IQGAP2: variants seen among roughly 807,000 people sequenced by gnomAD.
IQGAP2 encodes IQ motif containing GTPase activating protein 2.
Under a neutral mutation model 201.3 loss-of-function variants are expected in IQGAP2, and 173 were observed. The ratio of observed to expected loss-of-function variants is 0.86; its 90% CI spans 0.76 to 0.98. IQGAP2 has a LOEUF of 0.98. IQGAP2 is among the 50% of genes least tolerant of loss of function. The pLI is 0.00. For synonymous variants in IQGAP2, 675 were observed against 673.9 expected (o/e 1.00, Z -0.03); for missense variants, 1,687 against 1,864.8 (o/e 0.90, Z 1.76).
chr5:76,499,996 T>C (rs927976522), intron 2 of IQGAP2, among the ~76,000 whole-genome samples: 6 of 152,092 alleles, frequency 3.9e-5, no homozygotes, highest in Non-Finnish European at 7.4e-5. Flanking sequence ...TAGTCCCAGC[T>C]ACCTGGGAGG....
At chr5:76,639,320 T>A in intron 16 of IQGAP2, among the ~76,000 whole-genome samples, 1 of 152,248 alleles carries the variant, frequency 6.6e-6, no homozygotes, top group East Asian at 1.9e-4. Flanking sequence ...TGTTTTCCAC[T>A]TTTTGCATTG....
intron 30 of IQGAP2, among the ~76,000 whole-genome samples, chr5:76,689,884 G>A (rs1259818011): frequency 6.6e-6 from 1 of 152,116 alleles, no homozygotes; most frequent in Admixed American, 6.5e-5. Flanking sequence ...AATGCTACTG[G>A]TAATAATAGA....
At chr5:76,676,134 C>A (rs1744798434) in intron 27 of IQGAP2, among the ~76,000 whole-genome samples, 1 of 149,950 alleles carries the variant, frequency 6.7e-6, no homozygotes, top group African/African-American at 2.5e-5. Flanking sequence ...AAGTAATATC[C>A]ATTTCCCACA....
chr5:76,431,107 C>T (rs1187195910), intron 1 of IQGAP2, among the ~76,000 whole-genome samples: 2 of 151,896 alleles, frequency 1.3e-5, no homozygotes, highest in Non-Finnish European at 2.9e-5. Context: ...AGGAAATAGT[C>T]TTAAAAATTG....
chr5:76,443,221 A>G (rs1010084319), intron 1 of IQGAP2, among the ~76,000 whole-genome samples: 1 of 152,218 alleles, frequency 6.6e-6, no homozygotes, highest in African/African-American at 2.4e-5. Flanking sequence ...AGAGTTTTAA[A>G]TCATCTGCTC....
intron 1 of IQGAP2, among the ~76,000 whole-genome samples, chr5:76,410,492 AC>A (rs779228397): frequency 4.6e-5 from 7 of 152,188 alleles, no homozygotes; most frequent in Non-Finnish European, 7.3e-5. Context: ...GTGTGGCAAG[AC>A]AGCGATGTGA....
intron 20 of IQGAP2, among the ~76,000 whole-genome samples, chr5:76,655,451 G>A (rs773606319): frequency 6.7e-5 from 10 of 149,168 alleles, no homozygotes; most frequent in Non-Finnish European, 1.2e-4. Flanking sequence ...TTTAATTTTT[G>A]TTTGTTTTTG....
intron 22 of IQGAP2, 75 bp downstream of exon 22, chr5:76,665,250 T>A: frequency 7.8e-7 from 1 of 1,279,714 alleles, no homozygotes. Context: ...CAGGGAGTAT[T>A]TTGTCATGCT....
intron 20 of IQGAP2, 128 bp downstream of exon 20, chr5:76,655,131 G>C: frequency 1.6e-6 from 1 of 636,794 alleles, no homozygotes; most frequent in Non-Finnish European, 2.7e-6. Flanking sequence ...AGTAGATTTT[G>C]ATCATCTCAG....
At chr5:76,410,333 T>C (rs369545789) in intron 1 of IQGAP2, among the ~76,000 whole-genome samples, 33 of 152,288 alleles carry the variant, frequency 2.2e-4, no homozygotes, top group African/African-American at 7.9e-4. Context: ...TAAAGGACAA[T>C]TGGAGCTGTC....
At chr5:76,693,164 A>G (rs1224034810) in intron 30 of IQGAP2, among the ~76,000 whole-genome samples, 191 bp from the exon 31 acceptor site, 2 of 152,240 alleles carry the variant, frequency 1.3e-5, no homozygotes, top group African/African-American at 4.8e-5. Flanking sequence ...CCAGACTTTG[A>G]TTATCAAGCA....
At chr5:76,450,665 C>T (rs1039815890) in intron 1 of IQGAP2, among the ~76,000 whole-genome samples, 107 of 152,276 alleles carry the variant, frequency 7.0e-4, no homozygotes, top group African/African-American at 2.4e-3. Flanking sequence ...TTGCTGCTTG[C>T]TGTTGGCACC....
At chr5:76,546,078 G>A (rs1211669953) in intron 2 of IQGAP2, among the ~76,000 whole-genome samples, 3 of 152,204 alleles carry the variant, frequency 2.0e-5, no homozygotes, top group Non-Finnish European at 4.4e-5. Context: ...TGTGATGGAA[G>A]TGGCCACATT....
chr5:76,664,235 C>A (rs1317395617), intron 21 of IQGAP2, among the ~76,000 whole-genome samples: 2 of 152,030 alleles, frequency 1.3e-5, no homozygotes, highest in East Asian at 3.9e-4. Flanking sequence ...TATTAATTAA[C>A]CTAATTTCAA....
At chr5:76,515,823 A>G (rs1175089569) in intron 2 of IQGAP2, among the ~76,000 whole-genome samples, 1 of 151,540 alleles carries the variant, frequency 6.6e-6, no homozygotes, top group Non-Finnish European at 1.5e-5. Flanking sequence ...GGAAAGTCAG[A>G]AGTGGATTTA....
At chr5:76,457,951 C>T (rs894651033) in intron 1 of IQGAP2, among the ~76,000 whole-genome samples, 19 of 152,276 alleles carry the variant, frequency 1.2e-4, no homozygotes, top group African/African-American at 4.1e-4. Context: ...TTGTGGTTCA[C>T]GGCAGCAAGT....
chr5:76,529,620 T>C (rs1759164610), intron 2 of IQGAP2, among the ~76,000 whole-genome samples: 1 of 146,312 alleles, frequency 6.8e-6, no homozygotes, highest in Admixed American at 6.9e-5. Flanking sequence ...AGACCAAGAC[T>C]CCCTCTCGGA....
chr5:76,527,986 C>G (rs1196328603), intron 2 of IQGAP2, among the ~76,000 whole-genome samples: 1 of 152,160 alleles, frequency 6.6e-6, no homozygotes, highest in Non-Finnish European at 1.5e-5. Flanking sequence ...TGACATCATC[C>G]TCTTATTTAA....
At chr5:76,679,106 G>A (rs922358551) in intron 28 of IQGAP2, among the ~76,000 whole-genome samples, 1 of 152,110 alleles carries the variant, frequency 6.6e-6, no homozygotes, top group African/African-American at 2.4e-5. Context: ...CTGTTTTTGT[G>A]GTACATTATC....
Sources: gnomAD v4.1 joint callset for allele counts (sites outside exome capture counted in the v4.1 genomes callset) on GRCh38, gnomAD v4.1.1 for gene constraint, MANE v1.5 for transcripts, NCBI Gene and HGNC (gene_info 2026-07-23, HGNC 2026-07-21) for gene names.